CDCA4: variants seen among roughly 807,000 people sequenced by gnomAD.
The protein encoded by CDCA4 is cell division cycle-associated protein 4.
For missense variants in CDCA4, 294 were observed against 322.1 expected (o/e 0.91, Z 0.67); for synonymous variants, 130 against 137.0 (o/e 0.95, Z 0.36).
Position 105,010,639 on chromosome 14 carries a change from A to AAAAAC in CDCA4, c.*560_*564dup, listed in dbSNP as rs922548417. 6.5e-6 allele frequency: 1 copy of AAAAAC among 152,836 alleles called. No individual in the cohort carries two copies. The highest frequency in any genetic ancestry group is 2.4e-5 in the African/African-American group (1 of 41,464). The allele number at this position is 152,836 out of a possible 1,614,324, so 9.5% of individuals were successfully genotyped here. On this transcript the variant is annotated 3_prime_UTR_variant, in exon 2 of 2. Coordinates refer to ENST00000336219, the MANE Select transcript of CDCA4 (RefSeq NM_017955.4). ...TGAGACTGTAGTGATGCTCACTGCA[A>AAAAAC]AAAACAAAACAAAACAAAAAACCCT...
chr14:105,012,670 G>A (rs1322383393), intron 1 of CDCA4, among the ~76,000 whole-genome samples: 1 of 152,168 alleles, frequency 6.6e-6, no homozygotes, highest in Non-Finnish European at 1.5e-5. Flanking sequence ...ATGTGGCCCT[G>A]GACAGTCCCT....
rs1247910072 is a variant in CDCA4, at chr14:105,011,843, T to C, written c.87A>G (p.Ser29=). 1 of 1,613,950 alleles carries C rather than the reference T, an allele frequency of 6.2e-7. No individual in the cohort carries two copies. The highest frequency in any genetic ancestry group is 8.5e-7 in the Non-Finnish European group (1 of 1,180,048). Residue 29 remains serine (S), a synonymous_variant, in exon 2 of 2, where the codon TCA becomes TCG. Transcript: ENST00000336219. ...GGAGCGACTGCCGCTGCAGGCTGTA[T>C]GAGGACACTGTCTTCAAGCCGGCCA... ...GALAGLKTVS[S]YSLQRQSLLD... is the part of the protein sequence containing the mutation.
In CDCA4 at chr14:105,011,745, A is replaced by G. The variant is rs1482403131; in HGVS notation, c.185T>C (p.Ile62Thr). ...VEPNLCRSVL[I>T]ANTVRQIQEE... Reference sequence around the variant, plus strand: ...TTGGATCTGCCGGACCGTGTTGGCAATGAGGACTGAGCGGCACAGGTTGGG... The same window carrying G: ...TTGGATCTGCCGGACCGTGTTGGCAGTGAGGACTGAGCGGCACAGGTTGGG... Residue 62 changes from isoleucine (I) to threonine (T), a missense_variant, in exon 2 of 2, where the codon ATT (isoleucine) becomes ACT (threonine). Ile to Thr is a moderately conservative substitution (Grantham distance 89, BLOSUM62 -1). Coordinates refer to ENST00000336219, the MANE Select transcript of CDCA4 (RefSeq NM_017955.4). The G allele has an allele frequency of 6.2e-7, 1 of 1,613,590 alleles. No individual in the cohort carries two copies. Among genetic ancestry groups the G allele is most frequent in the Non-Finnish European group, 8.5e-7 (1 of 1,180,034 alleles).
intron 1 of CDCA4, among the ~76,000 whole-genome samples, chr14:105,019,366 T>G (rs1391426461): frequency 2.0e-5 from 3 of 152,124 alleles, no homozygotes; most frequent in African/African-American, 7.2e-5. Flanking sequence ...ACAGCAGCAG[T>G]GGCCACACCT....
chr14:105,012,577 G>A (rs1900536184), intron 1 of CDCA4, among the ~76,000 whole-genome samples: 1 of 152,242 alleles, frequency 6.6e-6, no homozygotes, highest in Admixed American at 6.5e-5. Flanking sequence ...AGGACTGCAG[G>A]GCTGTATGCT....
chr14:105,020,337 A>G (rs1383469294), intron 1 of CDCA4, among the ~76,000 whole-genome samples: 1 of 152,228 alleles, frequency 6.6e-6, no homozygotes, highest in Non-Finnish European at 1.5e-5. Context: ...AGGCCACAGG[A>G]GAAGCGAGGC....
chr14:105,016,682 C>T (rs1900661125), intron 1 of CDCA4, among the ~76,000 whole-genome samples: 1 of 152,248 alleles, frequency 6.6e-6, no homozygotes, highest in African/African-American at 2.4e-5. Context: ...ACCCTGGCCT[C>T]CCTGTGTAGG....
At chr14:105,020,372 G>A (rs1279773503) in intron 1 of CDCA4, among the ~76,000 whole-genome samples, 2 of 152,240 alleles carry the variant, frequency 1.3e-5, no homozygotes, top group Non-Finnish European at 1.5e-5. Flanking sequence ...ATTCCAGCAA[G>A]CTGTCGGAGC....
chr14:105,020,005 C>T, intron 1 of CDCA4, among the ~76,000 whole-genome samples: 1 of 152,222 alleles, frequency 6.6e-6, no homozygotes, highest in Non-Finnish European at 1.5e-5. Context: ...GCTACCGCGC[C>T]CAGCCAATTG....
chr14:105,011,499 C>T lies in CDCA4; in HGVS notation c.431G>A (p.Ser144Asn). The T allele has an allele frequency of 6.2e-7, 1 of 1,614,216 alleles. No individual in the cohort carries two copies. Among genetic ancestry groups the T allele is most frequent in the South Asian group, 1.1e-5 (1 of 91,088 alleles). Residue 144 changes from serine (S) to asparagine (N), a missense_variant, in exon 2 of 2, where the codon AGC becomes AAC. Ser to Asn is a conservative substitution (Grantham distance 46, BLOSUM62 1). Transcript: ENST00000336219. ...SAQAPRHLQSSAWEMDGPREN... is the reference protein window; with the variant it reads ...SAQAPRHLQSNAWEMDGPREN... ...TCGAGGGCCATCCATCTCCCAGGCGCTGCTCTGCAGGTGCCTTGGTGCCTG... is the reference window on the plus strand; with the variant it reads ...TCGAGGGCCATCCATCTCCCAGGCGTTGCTCTGCAGGTGCCTTGGTGCCTG...
chr14:105,011,900 A>G lies in CDCA4; in HGVS notation c.30T>C (p.Cys10=). MFARGLKRK[C]VGHEEDVEGA... The stretch of plus-strand genomic sequence containing the variant: ...CCTCCACGTCTTCCTCGTGGCCAAC[A>G]CATTTCCTCTTCAGTCCTCGTGCAA... Residue 10 remains cysteine (C), a synonymous_variant, in exon 2 of 2, where the codon TGT becomes TGC. Transcript: ENST00000336219. The G allele has an allele frequency of 1.2e-6, 2 of 1,612,872 alleles. No individual in the cohort carries two copies. Among genetic ancestry groups the G allele is most frequent in the African/African-American group, 1.3e-5 (1 of 75,062 alleles).
At position 105,011,182 on chromosome 14, in the gene CDCA4, T is replaced by G; in HGVS notation, c.*22A>C. 6.3e-7 allele frequency: 1 copy of G among 1,585,868 alleles called. No individual in the cohort carries two copies. The highest frequency in any genetic ancestry group is 8.6e-7 in the Non-Finnish European group (1 of 1,165,668). ...CACGTGTCAATGCGTCAGAGGCGGC[T>G]GTGAGCACTCAGGGCTCCTGCTCAG... On this transcript the variant is annotated 3_prime_UTR_variant, in exon 2 of 2. Transcript: ENST00000336219.
intron 1 of CDCA4, among the ~76,000 whole-genome samples, chr14:105,013,686 A>G (rs1271791770): frequency 6.6e-6 from 1 of 152,016 alleles, no homozygotes; most frequent in African/African-American, 2.4e-5. Flanking sequence ...GCCCCTCTGG[A>G]GGCTCCCACC....
chr14:105,017,068 G>A (rs942134309), intron 1 of CDCA4, among the ~76,000 whole-genome samples: 3 of 152,174 alleles, frequency 2.0e-5, no homozygotes, highest in African/African-American at 7.2e-5. Flanking sequence ...CAGGCAATGA[G>A]ATCTATCACA....
Position 105,011,129 on chromosome 14 carries a change from A to G in CDCA4, c.*75T>C. On this transcript the variant is annotated 3_prime_UTR_variant, in exon 2 of 2. Transcript: ENST00000336219. The stretch of plus-strand genomic sequence containing the variant: ...GCAGCAAGGCTGGGCCGCTGGCGGC[A>G]GGCGCACCCTCCGTGGGAGCCAGTG... 1 of 1,491,540 alleles carries G rather than the reference A, an allele frequency of 6.7e-7. No individual in the cohort carries two copies. The highest frequency in any genetic ancestry group is 8.9e-7 in the Non-Finnish European group (1 of 1,117,392). 92.4% of individuals were successfully genotyped at this position (1,491,540 alleles called of 1,614,324 possible). A position where few individuals can be genotyped will look rare whatever the true frequency, so the allele number is the denominator to read the frequency against.
Position 105,011,412 on chromosome 14 carries a change from T to A in CDCA4, c.518A>T (p.Asn173Ile). 1.2e-6 allele frequency: 2 copies of A among 1,613,820 alleles called. No homozygotes were observed. Among genetic ancestry groups the A allele is most frequent in the Non-Finnish European group, 1.7e-6 (2 of 1,179,892 alleles). The change falls in exon 2 of 2, where the codon AAC becomes ATC. Residue 173 changes from asparagine to isoleucine, a missense_variant. Coordinates refer to ENST00000336219, the MANE Select transcript of CDCA4 (RefSeq NM_017955.4). The stretch of plus-strand genomic sequence containing the variant: ...GAACAGCTCTTCCATGCAGCTGGGG[T>A]TTTTAGTCTCCAGCGTTTCAAATAT... ...DQIFETLETK[N>I]PSCMEELFSD...
At chr14:105,019,415 AG>A (rs1886167811) in intron 1 of CDCA4, among the ~76,000 whole-genome samples, 1 of 152,246 alleles carries the variant, frequency 6.6e-6, no homozygotes, top group Non-Finnish European at 1.5e-5. Context: ...CTGAAAACGC[AG>A]ATTCCCAGAT....
intron 1 of CDCA4, 144 bp from the exon 2 acceptor site, chr14:105,012,079 T>C: frequency 1.0e-6 from 1 of 963,460 alleles, no homozygotes; most frequent in South Asian, 1.7e-5. Context: ...TGTAACTCCC[T>C]AACAGAGCTG....
chr14:105,020,828 G>C (rs974501800), intron 1 of CDCA4, among the ~76,000 whole-genome samples, 171 bp downstream of exon 1: 1 of 151,826 alleles, frequency 6.6e-6, no homozygotes, highest in Admixed American at 6.6e-5. Flanking sequence ...CGCCCAGGAG[G>C]GCGGCGAGGG....
Sources: allele counts gnomAD v4.1 joint callset (sites outside exome capture counted in the v4.1 genomes callset), GRCh38; gene constraint gnomAD v4.1.1; transcripts MANE v1.5; gene names NCBI Gene and HGNC (gene_info 2026-07-23, HGNC 2026-07-21).